The following TLN2 variants were observed in gnomAD, a reference collection of about 807,000 sequenced individuals.
TLN2 encodes talin 2.
In TLN2, 118 loss-of-function variants were observed where a neutral mutation model predicts 294.7. That is an observed-to-expected ratio of 0.40 (90% confidence interval 0.34 to 0.47). The LOEUF is 0.47. Among genes scored for constraint, TLN2 ranks in the 20% least tolerant of loss-of-function variants. The pLI, the probability that TLN2 is intolerant of heterozygous loss-of-function variation, is 0.84. For synonymous variants in TLN2, 1,431 were observed against 1,304.5 expected, an observed-to-expected ratio of 1.10 and a Z score of -2.09; for missense variants, 3,083 against 3,282.2, an observed-to-expected ratio of 0.94 and a Z score of 1.48.
At position 62,843,107 on chromosome 15, in the gene TLN2, AAG is replaced by A. The variant is rs3833813; in HGVS notation, c.*2502_*2503del. The A allele has an allele frequency of 0.058, 8,824 of 152,298 alleles. 306 individuals carry two copies. The highest frequency in any genetic ancestry group is 0.098 in the South Asian group (474 of 4,820). 9.4% of individuals were successfully genotyped at this position (152,298 alleles called of 1,614,324 possible). A position where few individuals can be genotyped will look rare whatever the true frequency, so the allele number is the denominator to read the frequency against. On this transcript the variant is annotated 3_prime_UTR_variant, in exon 59 of 59. Transcript: ENST00000636159. ...AGTGTGAACTTTCAGAACACCTAATAAGAGAGTGGTGTCAGAGTAAAAACGGC... is the reference window on the plus strand; with the variant it reads ...AGTGTGAACTTTCAGAACACCTAATAAGAGTGGTGTCAGAGTAAAAACGGC...
intron 2 of TLN2, among the ~76,000 whole-genome samples, chr15:62,605,495 A>C (rs1187333607): frequency 6.6e-6 from 1 of 152,168 alleles, no homozygotes; most frequent in Non-Finnish European, 1.5e-5. Context: ...GTTTGGGAGG[A>C]ACAGGCTCTG....
chr15:62,488,648 T>C (rs1274993758), intron 1 of TLN2, among the ~76,000 whole-genome samples: 1 of 152,216 alleles, frequency 6.6e-6, no homozygotes, highest in Non-Finnish European at 1.5e-5. Context: ...TTCTGTCTGA[T>C]GAAACATAAA....
chr15:62,417,091 C>T (rs923807315), intron 1 of TLN2, among the ~76,000 whole-genome samples: 1 of 152,100 alleles, frequency 6.6e-6, no homozygotes, highest in Non-Finnish European at 1.5e-5. Flanking sequence ...GTGGAGATGG[C>T]GTCAGGTGTT....
intron 1 of TLN2, among the ~76,000 whole-genome samples, chr15:62,495,760 T>C (rs529930897): frequency 1.3e-5 from 2 of 152,296 alleles, no homozygotes; most frequent in South Asian, 4.1e-4. Flanking sequence ...GTAAAAGCCC[T>C]AAAGGGCCAC....
At chr15:62,569,437 A>G (rs1298708444) in intron 1 of TLN2, among the ~76,000 whole-genome samples, 1 of 152,102 alleles carries the variant, frequency 6.6e-6, no homozygotes, top group Non-Finnish European at 1.5e-5. Flanking sequence ...CTCTTAGGAG[A>G]AACTGGGAGA....
rs2062702897 is a variant in TLN2, at chr15:62,761,932, A to C, written c.4779+111A>C. 7.1e-6 allele frequency: 10 copies of C among 1,404,922 alleles called. No homozygotes were observed. In the South Asian group the frequency reaches 1.1e-4, roughly 16 times the overall value. The allele number at this position is 1,404,922 out of a possible 1,614,324, so 87.0% of individuals were successfully genotyped here. On this transcript the variant is annotated intron_variant, in intron 38 of 58. Transcript: ENST00000636159. ...AGCTCTCTCTGTCAACATGTAGGCT[A>C]CTGTTACTCTTGTCAATGATGGCAT...
intron 54 of TLN2, chr15:62,830,209 G>C (rs1343810248): frequency 2.0e-5 from 3 of 152,170 alleles, no homozygotes; most frequent in Admixed American, 1.3e-4. Context: ...CAGAAGGAGA[G>C]ATCTGACTGA....
chr15:62,653,421 T>C (rs1006297265), intron 7 of TLN2, 107 bp downstream of exon 7: 33 of 1,338,798 alleles, frequency 2.5e-5, no homozygotes, highest in Non-Finnish European at 3.1e-5. Context: ...TTTTTGTTTT[T>C]AAAACTCTAT....
Position 62,763,553 on chromosome 15 carries a change from T to A in TLN2, c.4962-10T>A, listed in dbSNP as rs777262965. On this transcript the variant is annotated splice_polypyrimidine_tract_variant and intron_variant, in intron 39 of 58. Coordinates refer to ENST00000636159, the MANE Select transcript of TLN2 (RefSeq NM_015059.3). Reference sequence around the variant, plus strand: ...TGGAGCCTGTGTCCAACTTGCACTATTCCTTCCAGGGACAAGGCCCCTGGA... The same window carrying A: ...TGGAGCCTGTGTCCAACTTGCACTAATCCTTCCAGGGACAAGGCCCCTGGA... The A allele has an allele frequency of 1.2e-6, 2 of 1,601,502 alleles. No homozygotes were observed. Among genetic ancestry groups the A allele is most frequent in the African/African-American group, 2.7e-5 (2 of 74,662 alleles).
chr15:62,398,245 T>C (rs971319497), intron 1 of TLN2, among the ~76,000 whole-genome samples: 1 of 152,312 alleles, frequency 6.6e-6, no homozygotes. Context: ...TTTACCCCTT[T>C]GCTTGGCACT....
chr15:62,591,490 T>C (rs2046072135), intron 2 of TLN2, among the ~76,000 whole-genome samples: 1 of 152,184 alleles, frequency 6.6e-6, no homozygotes, highest in African/African-American at 2.4e-5. Context: ...AGGGATTCTA[T>C]TGGGAACCTT....
chr15:62,670,650 T>C (rs1358558216), intron 9 of TLN2, among the ~76,000 whole-genome samples: 1 of 152,242 alleles, frequency 6.6e-6, no homozygotes, highest in Admixed American at 6.5e-5. Flanking sequence ...ATTTCAGTAC[T>C]TCCTTTAGAT....
At chr15:62,521,707 A>ATT (rs993586974) in intron 1 of TLN2, among the ~76,000 whole-genome samples, 50 of 152,242 alleles carry the variant, frequency 3.3e-4, no homozygotes, top group African/African-American at 1.2e-3. Context: ...AGACTCAGTT[A>ATT]ATCTCTCCTA....
Position 62,657,814 on chromosome 15 carries a change from A to G in TLN2, c.704A>G (p.Glu235Gly), listed in dbSNP as rs1357993741. ...ILNGSHPVSF[E>G]KACEFGGFQA... ...AATGGCTCTCACCCTGTCTCCTTCG[A>G]GAAAGCTTGTGAGTTTGGTGGATTT... Residue 235 changes from glutamate (E) to glycine (G), a missense_variant, in exon 9 of 59, where the codon GAG becomes GGG. Coordinates refer to ENST00000636159, the MANE Select transcript of TLN2 (RefSeq NM_015059.3). The G allele has an allele frequency of 6.2e-7, 1 of 1,613,794 alleles. No individual in the cohort carries two copies. The highest frequency in any genetic ancestry group is 8.5e-7 in the Non-Finnish European group (1 of 1,179,950).
At chr15:62,396,142 G>C (rs2032529462) in intron 1 of TLN2, among the ~76,000 whole-genome samples, 1 of 152,016 alleles carries the variant, frequency 6.6e-6, no homozygotes, top group South Asian at 2.1e-4. Context: ...CCTTATTTCT[G>C]ATTTTAAAAA....
Position 62,725,065 on chromosome 15 carries a change from A to T in TLN2, c.3216A>T (p.Ala1072=). The T allele has an allele frequency of 6.2e-7, 1 of 1,613,258 alleles. No individual in the cohort carries two copies. Among genetic ancestry groups the T allele is most frequent in the Non-Finnish European group, 8.5e-7 (1 of 1,179,652 alleles). ...ATGAACTGCAGGATGCCAAGATGGCAGCCGTGGAGAGCCAGCTGAAGCCAC... is the reference window on the plus strand; with the variant it reads ...ATGAACTGCAGGATGCCAAGATGGCTGCCGTGGAGAGCCAGCTGAAGCCAC... ...LKNELQDAKM[A]AVESQLKPLP... The change falls in exon 27 of 59, where the codon GCA becomes GCT. Residue 1072 remains alanine, a synonymous_variant. Coordinates refer to ENST00000636159, the MANE Select transcript of TLN2 (RefSeq NM_015059.3).
chr15:62,557,966 C>T (rs1370428434), intron 1 of TLN2, among the ~76,000 whole-genome samples: 1 of 152,216 alleles, frequency 6.6e-6, no homozygotes, highest in African/African-American at 2.4e-5. Flanking sequence ...AGAGACGCCT[C>T]AGTGGACTGC....
intron 1 of TLN2, among the ~76,000 whole-genome samples, chr15:62,406,643 G>C (rs1232202026): frequency 6.6e-6 from 1 of 152,160 alleles, no homozygotes; most frequent in Non-Finnish European, 1.5e-5. Flanking sequence ...CATGGAAAGG[G>C]ATGGTAACTC....
rs771990117 is a variant in TLN2, at chr15:62,840,720, G to A, written c.*110G>A. Reference sequence around the variant, plus strand: ...TGGAAACCGCCCACCTCCCTCCCGGGTGAGCCTGGAGCCCTGCGTGCTTGT... The same window carrying A: ...TGGAAACCGCCCACCTCCCTCCCGGATGAGCCTGGAGCCCTGCGTGCTTGT... On this transcript the variant is annotated 3_prime_UTR_variant, in exon 59 of 59. Coordinates refer to ENST00000636159, the MANE Select transcript of TLN2 (RefSeq NM_015059.3). The A allele has an allele frequency of 9.0e-6, 13 of 1,451,082 alleles. No homozygotes were observed. Among genetic ancestry groups the A allele is most frequent in the South Asian group, 2.8e-5 (2 of 70,522 alleles). 89.9% of individuals were successfully genotyped at this position (1,451,082 alleles called of 1,614,324 possible). A position where few individuals can be genotyped will look rare whatever the true frequency, so the allele number is the denominator to read the frequency against.
Sources: allele counts gnomAD v4.1 joint callset (sites outside exome capture counted in the v4.1 genomes callset), GRCh38; gene constraint gnomAD v4.1.1; transcripts MANE v1.5; gene names NCBI Gene and HGNC (gene_info 2026-07-23, HGNC 2026-07-21).